SLC2A14: variants seen among roughly 807,000 people sequenced by gnomAD.
SLC2A14 encodes solute carrier family 2, facilitated glucose transporter member 14.
In SLC2A14, 13 loss-of-function variants were observed where a neutral mutation model predicts 43.0. That is an observed-to-expected ratio of 0.30 (90% CI 0.20 to 0.48). SLC2A14 has a LOEUF of 0.48. Among genes scored for constraint, SLC2A14 ranks in the 20% least tolerant of loss-of-function variants. The pLI is 0.99. For synonymous variants in SLC2A14, 190 were observed against 233.8 expected, an observed-to-expected ratio of 0.81 and a Z score of 1.71; for missense variants, 428 against 620.4, an observed-to-expected ratio of 0.69 and a Z score of 3.29.
intron 2 of SLC2A14, among the ~76,000 whole-genome samples, chr12:7,859,776 T>C (rs1944445001): frequency 6.6e-6 from 1 of 152,102 alleles, no homozygotes; most frequent in African/African-American, 2.4e-5. Flanking sequence ...TAGCAACAGT[T>C]TGAAGTAGGC....
rs756808184 is a variant in SLC2A14, at chr12:7,827,664, C to T, written c.695G>A (p.Gly232Asp). 6.2e-6 allele frequency: 10 copies of T among 1,608,636 alleles called. No homozygotes were observed. The highest frequency in any genetic ancestry group is 1.4e-5 in the African/African-American group (1 of 73,188). Residue 232 changes from glycine (G) to aspartate (D), a missense_variant, in exon 7 of 11, where the codon GGC (glycine) becomes GAC (aspartate). Coordinates refer to ENST00000431042, the MANE Select transcript of SLC2A14 (RefSeq NM_001286234.2). ...NATRILQRLW[G>D]TQDVSQDIQE... Reference sequence around the variant, plus strand: ...GATGTCTTGGGATACATCCTGGGTGCCCCACAACCGCTGGAGGACTGGTGA... The same window carrying T: ...GATGTCTTGGGATACATCCTGGGTGTCCCACAACCGCTGGAGGACTGGTGA...
At chr12:7,827,877 G>A (rs1864632859) in intron 6 of SLC2A14, among the ~76,000 whole-genome samples, 195 bp from the exon 7 acceptor site, 1 of 151,960 alleles carries the variant, frequency 6.6e-6, no homozygotes, top group Non-Finnish European at 1.5e-5. Flanking sequence ...GCGGTGGCTC[G>A]TGCCTGTAAT....
At chr12:7,852,736 T>C (rs1243058266) in intron 2 of SLC2A14, among the ~76,000 whole-genome samples, 1 of 152,096 alleles carries the variant, frequency 6.6e-6, no homozygotes, top group Non-Finnish European at 1.5e-5. Context: ...GTCACCACTG[T>C]TTGAGAACCA....
chr12:7,842,321 A>T (rs1197611892), intron 2 of SLC2A14, among the ~76,000 whole-genome samples: 2 of 152,218 alleles, frequency 1.3e-5, no homozygotes, highest in Non-Finnish European at 2.9e-5. Flanking sequence ...CTACGAATAA[A>T]ACTGCTCTAA....
chr12:7,872,505 C>T (rs1304882349), intron 1 of SLC2A14: 1 of 152,582 alleles, frequency 6.6e-6, no homozygotes, highest in Non-Finnish European at 1.5e-5. Flanking sequence ...CGTATCTATA[C>T]ATTTTCTTGT....
intron 1 of SLC2A14, chr12:7,870,846 G>A: frequency 7.9e-7 from 1 of 1,271,032 alleles, no homozygotes; most frequent in East Asian, 4.7e-5. Flanking sequence ...CCCACCTGAA[G>A]CCAAAATGTT....
chr12:7,866,023 C>T (rs910299187), intron 2 of SLC2A14, among the ~76,000 whole-genome samples: 2 of 152,086 alleles, frequency 1.3e-5, no homozygotes, highest in South Asian at 4.2e-4. Flanking sequence ...TCGAGACCAT[C>T]CTGGCCAACA....
intron 2 of SLC2A14, among the ~76,000 whole-genome samples, chr12:7,837,440 G>A (rs1040400640): frequency 6.6e-6 from 1 of 152,020 alleles, no homozygotes; most frequent in Non-Finnish European, 1.5e-5. Flanking sequence ...GGGAGTTCAA[G>A]ACCAGCCTGA....
intron 2 of SLC2A14, among the ~76,000 whole-genome samples, chr12:7,858,199 G>A (rs758291947): frequency 3.9e-5 from 6 of 151,984 alleles, no homozygotes; most frequent in Non-Finnish European, 5.9e-5. Flanking sequence ...ATACCAGTAA[G>A]GCATTTGCCC....
intron 2 of SLC2A14, among the ~76,000 whole-genome samples, chr12:7,847,691 T>A (rs1205054601): frequency 1.3e-5 from 2 of 152,170 alleles, no homozygotes; most frequent in African/African-American, 4.8e-5. Context: ...TCTAGCTCTC[T>A]CTTTTCCTTC....
chr12:7,824,797 C>T (rs1288395539), intron 7 of SLC2A14, among the ~76,000 whole-genome samples: 3 of 151,058 alleles, frequency 2.0e-5, no homozygotes. Context: ...TCCAAGCCTG[C>T]TATGCATCAG....
chr12:7,844,045 G>C (rs972244070), intron 2 of SLC2A14, among the ~76,000 whole-genome samples: 3 of 152,006 alleles, frequency 2.0e-5, no homozygotes, highest in Non-Finnish European at 4.4e-5. Context: ...GTTTACAGTT[G>C]GGTGAATATT....
intron 4 of SLC2A14, 94 bp downstream of exon 4, chr12:7,831,510 T>G: frequency 6.5e-7 from 1 of 1,543,596 alleles, no homozygotes; most frequent in Admixed American, 1.9e-5. Context: ...GTGTTCTTAT[T>G]CAAAGGCATC....
intron 1 of SLC2A14, among the ~76,000 whole-genome samples, chr12:7,878,985 A>AAC (rs1945514335): frequency 3.4e-5 from 3 of 87,648 alleles, no homozygotes; most frequent in Non-Finnish European, 7.3e-5. Flanking sequence ...TCAAAAAAAA[A>AAC]AAAAAAAAAA....
At chr12:7,816,475 G>T (rs77050594) in intron 10 of SLC2A14, among the ~76,000 whole-genome samples, 2 of 149,404 alleles carry the variant, frequency 1.3e-5, no homozygotes, top group African/African-American at 2.5e-5. Flanking sequence ...CTGACCTCAT[G>T]ATCCTCCCAC....
intron 1 of SLC2A14, among the ~76,000 whole-genome samples, chr12:7,884,421 G>T (rs1429814167): frequency 6.6e-6 from 1 of 152,034 alleles, no homozygotes; most frequent in African/African-American, 2.4e-5. Context: ...TAATACTAGT[G>T]AAGTGCCGTA....
Position 7,871,758 on chromosome 12 carries a change from CAAT to C in SLC2A14, c.-58+1046_-58+1048del, listed in dbSNP as rs1185967305. The C allele has an allele frequency of 1.6e-4, 43 of 273,358 alleles. No individual in the cohort carries two copies. In the East Asian group the frequency reaches 5.6e-3, roughly 36 times the overall value. The allele number at this position is 273,358 out of a possible 1,614,324, so 16.9% of individuals were successfully genotyped here. A position where few individuals can be genotyped will look rare whatever the true frequency, so the allele number is the denominator to read the frequency against. ...GGAAGGGACCCTTAGTCCTGAGATC[CAAT>C]ACCATTTCACATGCATCCCCACCCA... On this transcript the variant is annotated intron_variant, in intron 1 of 10. Transcript: ENST00000431042.
intron 4 of SLC2A14, 144 bp downstream of exon 4, chr12:7,831,460 C>T: frequency 8.8e-6 from 11 of 1,251,002 alleles, no homozygotes; most frequent in Non-Finnish European, 1.1e-5. Context: ...CAGTCATATT[C>T]GGGGCCAGTT....
chr12:7,867,080 C>T (rs1412486747), intron 2 of SLC2A14, among the ~76,000 whole-genome samples: 1 of 151,484 alleles, frequency 6.6e-6, no homozygotes, highest in Admixed American at 6.6e-5. Context: ...GAGATTGAGA[C>T]CATCCTGGCT....
Sources: gnomAD v4.1 joint callset for allele counts (sites outside exome capture counted in the v4.1 genomes callset) on GRCh38, gnomAD v4.1.1 for gene constraint, MANE v1.5 for transcripts, NCBI Gene and HGNC (gene_info 2026-07-23, HGNC 2026-07-21) for gene names.